The following ESRRB variants were observed in gnomAD, a reference collection of about 807,000 sequenced individuals.
The protein encoded by ESRRB is steroid hormone receptor ERR2.
ESRRB carries 16 observed loss-of-function variants against 46.0 expected under a neutral mutation model. The observed-to-expected ratio is 0.35, with a 90% CI of 0.24 to 0.53. ESRRB has a LOEUF of 0.53. Among genes scored for constraint, ESRRB ranks in the 20% least tolerant of loss-of-function variants. The pLI is 0.93. For missense variants in ESRRB, 488 were observed against 607.4 expected (o/e 0.80, Z 2.07); for synonymous variants, 246 against 259.6 (o/e 0.95, Z 0.50).
intron 2 of ESRRB, among the ~76,000 whole-genome samples, chr14:76,450,721 G>A (rs1446940952): frequency 2.0e-5 from 3 of 152,114 alleles, no homozygotes; most frequent in Non-Finnish European, 4.4e-5. Flanking sequence ...GAATGCAGCT[G>A]GCGGATCTGG....
At chr14:76,324,967 T>TTCTTTTTC (rs200672221) in intron 1 of ESRRB, among the ~76,000 whole-genome samples, 1 of 103,856 alleles carries the variant, frequency 9.6e-6, no homozygotes, top group Non-Finnish European at 2.2e-5. Flanking sequence ...CTTTTTCTTT[T>TTCTTTTTC]TTTTTTTTTT....
At chr14:76,412,714 A>T (rs545393264) in intron 1 of ESRRB, among the ~76,000 whole-genome samples, 1 of 152,292 alleles carries the variant, frequency 6.6e-6, no homozygotes, top group Non-Finnish European at 1.5e-5. Flanking sequence ...TTGCTGAAAG[A>T]TTTTCCATTT....
chr14:76,479,182 A>G (rs1285104565), intron 3 of ESRRB, among the ~76,000 whole-genome samples: 1 of 152,042 alleles, frequency 6.6e-6, no homozygotes, highest in African/African-American at 2.4e-5. Flanking sequence ...GACAGCGGAG[A>G]CTGCTCCTGC....
chr14:76,433,778 G>A (rs1887552318), intron 1 of ESRRB, among the ~76,000 whole-genome samples: 1 of 152,010 alleles, frequency 6.6e-6, no homozygotes, highest in African/African-American at 2.4e-5. Context: ...CTAAGTGTAG[G>A]GATACTTGCC....
At chr14:76,443,721 T>C (rs1888014338) in intron 2 of ESRRB, among the ~76,000 whole-genome samples, 1 of 152,206 alleles carries the variant, frequency 6.6e-6, no homozygotes, top group African/African-American at 2.4e-5. Context: ...GGTTAATGTG[T>C]GTAAACTCAG....
At chr14:76,492,085 A>G (rs144824279) in intron 6 of ESRRB, among the ~76,000 whole-genome samples, 1 of 152,226 alleles carries the variant, frequency 6.6e-6, no homozygotes, top group Non-Finnish European at 1.5e-5. Flanking sequence ...TCCCTACTCT[A>G]CAAGGCTATT....
intron 5 of ESRRB, among the ~76,000 whole-genome samples, chr14:76,485,896 A>G (rs2140038906): frequency 6.6e-6 from 1 of 152,326 alleles, no homozygotes; most frequent in Middle Eastern, 3.4e-3. Context: ...GCACATATTG[A>G]GAAGTCACTA....
At chr14:76,396,171 CAAACAA>C (rs36207641) in intron 1 of ESRRB, among the ~76,000 whole-genome samples, 34,477 of 150,778 alleles carry the variant, frequency 0.23, 4,047 homozygotes, top group East Asian at 0.4. Context: ...GACTCCGTAT[CAAACAA>C]AAACAAAAAC....
At chr14:76,447,882 G>A (rs913650027) in intron 2 of ESRRB, among the ~76,000 whole-genome samples, 5 of 152,108 alleles carry the variant, frequency 3.3e-5, no homozygotes, top group African/African-American at 7.2e-5. Context: ...AGGCTCGGCC[G>A]TTCCCAGCCT....
chr14:76,450,476 G>C (rs1402387465), intron 2 of ESRRB, among the ~76,000 whole-genome samples: 1 of 152,272 alleles, frequency 6.6e-6, no homozygotes. Flanking sequence ...ACTCCTCCTT[G>C]AGTTCCCAGG....
chr14:76,391,363 G>A (rs578067247), intron 1 of ESRRB, among the ~76,000 whole-genome samples: 1 of 152,316 alleles, frequency 6.6e-6, no homozygotes, highest in Admixed American at 6.5e-5. Context: ...CATCAGGAGG[G>A]GCAGTTCAGT....
At chr14:76,386,014 C>T (rs559801344) in intron 1 of ESRRB, among the ~76,000 whole-genome samples, 2 of 152,236 alleles carry the variant, frequency 1.3e-5, no homozygotes, top group African/African-American at 4.8e-5. Context: ...TTGATGTTAT[C>T]TTTGGGGCAT....
At chr14:76,461,478 C>A (rs1038176780) in intron 2 of ESRRB, among the ~76,000 whole-genome samples, 1 of 150,316 alleles carries the variant, frequency 6.7e-6, no homozygotes, top group African/African-American at 2.5e-5. Context: ...GGTAGCCATT[C>A]TTTTGTTTTG....
In ESRRB at chr14:76,324,963, CTTTTTTT is replaced by C. The variant is rs34780208; in HGVS notation, c.2+14062_2+14068del. ...GGCACTTTCTTTTCTTTTTCTTTTT[CTTTTTTT>C]TTTTTTTTTTTTTTGAGACAGAGTC... is the stretch of plus-strand genomic sequence containing the variant. On this transcript the variant is annotated intron_variant, in intron 1 of 6. Coordinates refer to the ESRRB transcript ENST00000512784. 1.3e-3 allele frequency among the ~76,000 whole-genome samples: 136 copies of C among 102,190 alleles called. 1 individual carries two copies. The highest frequency in any genetic ancestry group is 2.2e-3 in the Non-Finnish European group (112 of 50,218). The allele number at this position is 102,190 out of a possible 152,430, so 67.0% of individuals were successfully genotyped here. A position where few individuals can be genotyped will look rare whatever the true frequency, so the allele number is the denominator to read the frequency against.
chr14:76,492,794 T>C (rs1859451986), intron 6 of ESRRB, among the ~76,000 whole-genome samples: 1 of 152,208 alleles, frequency 6.6e-6, no homozygotes, highest in Admixed American at 6.5e-5. Context: ...TCCACCAACT[T>C]CTGGCTAGAT....
Position 76,482,902 on chromosome 14 carries a change from T to G in ESRRB, c.850+143T>G. Reference sequence around the variant, plus strand: ...TCCTGGCAGGCCTGTTTCTCTGAGCTCCTCTTCTCTCCTTGTAGCATTGGA... The same window carrying G: ...TCCTGGCAGGCCTGTTTCTCTGAGCGCCTCTTCTCTCCTTGTAGCATTGGA... On this transcript the variant is annotated intron_variant, in intron 5 of 6. Coordinates refer to ENST00000644823, the MANE Select transcript of ESRRB (RefSeq NM_001379180.1). The surrounding 1 kb of genome is among the most constrained non-coding windows in gnomAD (Gnocchi z 4.3). 1 of 916,146 alleles carries G rather than the reference T, an allele frequency of 1.1e-6. No individual in the cohort carries two copies. Among genetic ancestry groups the G allele is most frequent in the Non-Finnish European group, 1.7e-6 (1 of 580,410 alleles). The allele number at this position is 916,146 out of a possible 1,614,324, so 56.8% of individuals were successfully genotyped here.
chr14:76,412,351 T>C (rs1351877736), intron 1 of ESRRB, among the ~76,000 whole-genome samples: 1 of 152,222 alleles, frequency 6.6e-6, no homozygotes, highest in Non-Finnish European at 1.5e-5. Flanking sequence ...TTCCCTTTCT[T>C]GTTTCTTGGT....
At chr14:76,404,786 A>T (rs974029333) in intron 1 of ESRRB, among the ~76,000 whole-genome samples, 1 of 152,178 alleles carries the variant, frequency 6.6e-6, no homozygotes, top group African/African-American at 2.4e-5. Flanking sequence ...TTGGCCACTG[A>T]GGTCCTTAAC....
intron 3 of ESRRB, among the ~76,000 whole-genome samples, chr14:76,469,935 T>TTTTG (rs1889300985): frequency 7.7e-6 from 1 of 129,128 alleles, no homozygotes; most frequent in Non-Finnish European, 1.7e-5. Context: ...TGTTGTTTTT[T>TTTTG]TTTTTTTTCT....
Sources: allele counts gnomAD v4.1 joint callset (sites outside exome capture counted in the v4.1 genomes callset), GRCh38; gene constraint gnomAD v4.1.1; non-coding constraint Gnocchi (gnomAD v3.1); transcripts MANE v1.5; gene names NCBI Gene and HGNC (gene_info 2026-07-23, HGNC 2026-07-21).